FRAS1: variants seen among roughly 807,000 people sequenced by gnomAD.
FRAS1 encodes extracellular matrix organizing protein FRAS1.
Under a neutral mutation model 435.2 loss-of-function variants are expected in FRAS1, and 290 were observed. The observed-to-expected ratio is 0.67, with a 90% confidence interval of 0.61 to 0.73. The LOEUF is 0.73. FRAS1 is among the 30% of genes least tolerant of loss of function. The probability of loss-of-function intolerance (pLI) is 0.00; values close to 1 mark genes in which losing one functional copy is unlikely to be tolerated. For missense variants in FRAS1, 4,860 were observed against 5,001.5 expected, an observed-to-expected ratio of 0.97 and a Z score of 0.85; for synonymous variants, 1,800 against 1,851.0, an observed-to-expected ratio of 0.97 and a Z score of 0.71.
intron 20 of FRAS1, 109 bp from the exon 21 acceptor site, chr4:78,363,404 T>G: frequency 9.2e-7 from 1 of 1,087,322 alleles, no homozygotes; most frequent in Non-Finnish European, 1.3e-6. Flanking sequence ...ACTCTCCAGC[T>G]GTCAGCTGCA....
chr4:78,119,005 A>T (rs991421701), intron 2 of FRAS1, among the ~76,000 whole-genome samples: 5 of 151,190 alleles, frequency 3.3e-5, no homozygotes, highest in African/African-American at 1.2e-4. Flanking sequence ...ACTCTTTTAT[A>T]GAATATGTGA....
intron 9 of FRAS1, 91 bp downstream of exon 9, chr4:78,267,523 A>G: frequency 3.3e-6 from 4 of 1,208,120 alleles, no homozygotes; most frequent in Non-Finnish European, 4.7e-6. Context: ...TCTTGGCAGC[A>G]GCAGGGATGT....
intron 2 of FRAS1, among the ~76,000 whole-genome samples, chr4:78,189,552 T>G (rs1045861438): frequency 6.6e-6 from 1 of 152,214 alleles, no homozygotes; most frequent in Non-Finnish European, 1.5e-5. Flanking sequence ...TTGCTGGATC[T>G]TTCTCCTTTA....
intron 2 of FRAS1, among the ~76,000 whole-genome samples, chr4:78,165,808 C>G (rs1012119046): frequency 2.0e-5 from 3 of 152,082 alleles, no homozygotes; most frequent in Non-Finnish European, 1.5e-5. Context: ...TTTTTATTAT[C>G]CAGCAGGCTA....
At chr4:78,302,622 T>C (rs1728470921) in intron 14 of FRAS1, among the ~76,000 whole-genome samples, 1 of 152,138 alleles carries the variant, frequency 6.6e-6, no homozygotes, top group Admixed American at 6.5e-5. Context: ...TGAGCATTTT[T>C]TCATGTGTCT....
At chr4:78,482,273 A>T (rs181605714) in intron 57 of FRAS1, 115 bp from the exon 58 acceptor site, 1 of 1,215,444 alleles carries the variant, frequency 8.2e-7, no homozygotes, top group African/African-American at 1.5e-5. Context: ...TATGGATTAG[A>T]AAATCTTACT....
In FRAS1 at chr4:78,249,072, T is replaced by TATATATGC. The variant is rs1553934060; in HGVS notation, c.310-3314_310-3313insGCATATAT. On this transcript the variant is annotated intron_variant, in intron 4 of 73. Coordinates refer to ENST00000512123, the MANE Select transcript of FRAS1 (RefSeq NM_025074.7). ...TGATATATATATATATGCATATATA[T>TATATATGC]ATATATATATATATGCATGTGCTGA... is the stretch of plus-strand genomic sequence containing the variant. Among the ~76,000 whole-genome samples, 8 of 111,910 alleles carry TATATATGC rather than the reference T, an allele frequency of 7.1e-5. 1 individual carries two copies. The highest frequency in any genetic ancestry group is 9.6e-5 in the Non-Finnish European group (5 of 52,152). 73.4% of individuals were successfully genotyped at this position (111,910 alleles called of 152,430 possible). A position where few individuals can be genotyped will look rare whatever the true frequency, so the allele number is the denominator to read the frequency against.
chr4:78,261,551 G>A (rs1027899429), intron 6 of FRAS1, among the ~76,000 whole-genome samples: 1 of 152,126 alleles, frequency 6.6e-6, no homozygotes, highest in Non-Finnish European at 1.5e-5. Context: ...AGCTTAGGAA[G>A]CATTTTCAGA....
intron 22 of FRAS1, among the ~76,000 whole-genome samples, chr4:78,365,702 G>T (rs149256221): frequency 6.9e-6 from 1 of 145,336 alleles, no homozygotes; most frequent in Non-Finnish European, 1.5e-5. Context: ...GAAAAAATAC[G>T]CTCCTAAGTT....
At chr4:78,097,167 C>T (rs988340986) in intron 2 of FRAS1, among the ~76,000 whole-genome samples, 2 of 152,192 alleles carry the variant, frequency 1.3e-5, no homozygotes, top group Non-Finnish European at 2.9e-5. Flanking sequence ...TAACAAGAGT[C>T]ACCTTTGCTC....
chr4:78,078,950 T>G (rs567957102), intron 2 of FRAS1, among the ~76,000 whole-genome samples: 3 of 152,254 alleles, frequency 2.0e-5, no homozygotes, highest in African/African-American at 7.2e-5. Context: ...GAAAGAAAAG[T>G]TATTTGTAAA....
At chr4:78,140,651 A>G (rs1417306633) in intron 2 of FRAS1, among the ~76,000 whole-genome samples, 1 of 149,806 alleles carries the variant, frequency 6.7e-6, no homozygotes, top group East Asian at 1.9e-4. Context: ...GTGTATATGT[A>G]TATACGTATA....
chr4:78,459,190 A>G (rs1560740018), intron 47 of FRAS1, among the ~76,000 whole-genome samples: 1 of 152,218 alleles, frequency 6.6e-6, no homozygotes, highest in Non-Finnish European at 1.5e-5. Context: ...TTCTATTTAC[A>G]GGCTGAGTTG....
chr4:78,439,163 T>C, intron 40 of FRAS1, 99 bp downstream of exon 40: 1 of 1,017,366 alleles, frequency 9.8e-7, no homozygotes, highest in East Asian at 2.6e-5. Context: ...CTGCCAAATA[T>C]TTCCCCCAAA....
chr4:78,194,253 G>A (rs931276736), intron 2 of FRAS1, among the ~76,000 whole-genome samples: 14 of 152,076 alleles, frequency 9.2e-5, no homozygotes, highest in African/African-American at 3.4e-4. Context: ...AGGTATCTTG[G>A]AGTTGCTCTT....
Position 78,317,295 on chromosome 4 carries a change from G to A in FRAS1, c.1820-73G>A, listed in dbSNP as rs548243543. On this transcript the variant is annotated intron_variant, in intron 16 of 73. Transcript: ENST00000512123. ...AGGGGACTAAGAGTCCCAGGCCCGT[G>A]AAGCCCAGCCAGGAAGTGGGCACTT... is the stretch of plus-strand genomic sequence containing the variant. The A allele has an allele frequency of 4.6e-5, 72 of 1,568,268 alleles. 1 individual carries two copies. The Middle Eastern group carries it at 5.0e-4, about 11-fold the overall frequency.
Position 78,522,636 on chromosome 4 carries a change from C to T in FRAS1, c.10649-13C>T, listed in dbSNP as rs745346438. 1 of 1,589,512 alleles carries T rather than the reference C, an allele frequency of 6.3e-7. No homozygotes were observed. ...ACAAGTACATTAAATGCATGTGTTT[C>T]CCCTTCAAATAGGACAGTTTGTGAT... On this transcript the variant is annotated splice_polypyrimidine_tract_variant and intron_variant, in intron 68 of 73. Transcript: ENST00000512123.
rs1299095327 is a variant in FRAS1 at position 78,191,755 on chromosome 4, T to C, written c.109-45755T>C. On this transcript the variant is annotated intron_variant, in intron 2 of 73. Transcript: ENST00000512123. ...CCCTTCCTGTGTCCATGTGTTCTCA[T>C]TGTTCAATTCCCACCTATGAGTGAG... Among the ~76,000 whole-genome samples, 4 of 151,886 alleles carry C rather than the reference T, an allele frequency of 2.6e-5. No individual in the cohort carries two copies. The South Asian group carries it at 8.4e-4, about 32-fold the overall frequency.
intron 2 of FRAS1, among the ~76,000 whole-genome samples, chr4:78,133,393 G>C (rs1307056785): frequency 6.6e-6 from 1 of 152,078 alleles, no homozygotes; most frequent in Non-Finnish European, 1.5e-5. Flanking sequence ...TGGGGTGGGA[G>C]GGAGGTAGGG....
Sources: gnomAD v4.1 joint callset for allele counts (sites outside exome capture counted in the v4.1 genomes callset) on GRCh38, gnomAD v4.1.1 for gene constraint, MANE v1.5 for transcripts, NCBI Gene and HGNC (gene_info 2026-07-23, HGNC 2026-07-21) for gene names.